KCNH7: variants seen among roughly 807,000 people sequenced by gnomAD.
The protein encoded by KCNH7 is voltage-gated inwardly rectifying potassium channel KCNH7.
A neutral mutation model predicts 120.8 loss-of-function variants in KCNH7; 49 were observed. That is an observed-to-expected ratio of 0.41 (90% CI 0.32 to 0.51). KCNH7 has a LOEUF of 0.51. KCNH7 is among the 20% of genes least tolerant of loss of function. The probability of loss-of-function intolerance (pLI) is 0.38; values close to 1 mark genes in which losing one functional copy is unlikely to be tolerated. For missense variants in KCNH7, 1,097 were observed against 1,446.6 expected (o/e 0.76, Z 3.92); for synonymous variants, 547 against 516.1 (o/e 1.06, Z -0.81).
chr2:162,564,067 AT>A (rs1693163576), intron 2 of KCNH7, among the ~76,000 whole-genome samples: 2 of 152,016 alleles, frequency 1.3e-5, no homozygotes, highest in Non-Finnish European at 2.9e-5. Context: ...TATGTATTTC[AT>A]TTTTTTCTGT....
In KCNH7 at chr2:162,834,037, C is replaced by T. The variant is rs1333597784; in HGVS notation, c.307+2500G>A. Among the ~76,000 whole-genome samples the T allele has an allele frequency of 3.9e-5, 6 of 152,060 alleles. 1 individual carries two copies. The South Asian group carries it at 8.3e-4, about 21-fold the overall frequency. On this transcript the variant is annotated intron_variant, in intron 2 of 15. Coordinates refer to ENST00000332142, the MANE Select transcript of KCNH7 (RefSeq NM_033272.4). ...CAATGGCATCAATAATAACGAATTA[C>T]GGAAACTTTGAGAAACAAACCAACA...
intron 2 of KCNH7, among the ~76,000 whole-genome samples, chr2:162,552,635 ATCAC>A (rs1692710198): frequency 2.6e-5 from 4 of 152,222 alleles, no homozygotes. Context: ...GCTTACTAGA[ATCAC>A]AGGAGACTTT....
intron 2 of KCNH7, among the ~76,000 whole-genome samples, chr2:162,656,617 C>G (rs1684772778): frequency 6.6e-6 from 1 of 152,078 alleles, no homozygotes; most frequent in South Asian, 2.1e-4. Flanking sequence ...TGAGACTGCA[C>G]CCAGGGTATG....
At chr2:162,380,881 A>T (rs1337125325) in intron 13 of KCNH7, among the ~76,000 whole-genome samples, 2 of 152,118 alleles carry the variant, frequency 1.3e-5, no homozygotes, top group Non-Finnish European at 2.9e-5. Context: ...TTTCATATAC[A>T]GATTCATTTT....
At chr2:162,802,511 A>G (rs1410889534) in intron 2 of KCNH7, among the ~76,000 whole-genome samples, 1 of 151,778 alleles carries the variant, frequency 6.6e-6, no homozygotes, top group Non-Finnish European at 1.5e-5. Context: ...ATTTCAACTC[A>G]GAATTGAGTA....
intron 3 of KCNH7, among the ~76,000 whole-genome samples, chr2:162,522,841 G>C (rs1030298435): frequency 2.6e-5 from 4 of 151,814 alleles, no homozygotes; most frequent in South Asian, 2.1e-4. Context: ...TAATATGCAT[G>C]AATATAATTA....
intron 7 of KCNH7, among the ~76,000 whole-genome samples, chr2:162,438,787 A>G (rs112240272): frequency 2.8e-4 from 42 of 152,302 alleles, no homozygotes; most frequent in African/African-American, 9.1e-4. Flanking sequence ...CACATCTTGT[A>G]GATGATGCTT....
intron 2 of KCNH7, among the ~76,000 whole-genome samples, chr2:162,591,182 C>T (rs1694204886): frequency 1.3e-5 from 2 of 152,102 alleles, no homozygotes; most frequent in Non-Finnish European, 2.9e-5. Context: ...ACAAGATTAT[C>T]TTACTTATAC....
intron 5 of KCNH7, among the ~76,000 whole-genome samples, chr2:162,509,967 G>A (rs1204571164): frequency 6.6e-6 from 1 of 151,578 alleles, no homozygotes; most frequent in Admixed American, 6.6e-5. Context: ...ACGAAGTAGA[G>A]AAAGTGAGGT....
chr2:162,695,578 A>C (rs111812909), intron 2 of KCNH7, among the ~76,000 whole-genome samples: 613 of 152,300 alleles, frequency 4.0e-3, no homozygotes, highest in Non-Finnish European at 6.9e-3. Context: ...GAGAATCCCA[A>C]AATGTTCTAG....
chr2:162,666,355 T>C (rs1305654274), intron 2 of KCNH7, among the ~76,000 whole-genome samples: 1 of 151,742 alleles, frequency 6.6e-6, no homozygotes, highest in African/African-American at 2.4e-5. Context: ...CCCTAATAAA[T>C]TCTGCCCCCC....
At chr2:162,704,639 A>G (rs557419000) in intron 2 of KCNH7, among the ~76,000 whole-genome samples, 1 of 152,194 alleles carries the variant, frequency 6.6e-6, no homozygotes, top group Non-Finnish European at 1.5e-5. Flanking sequence ...ATACAATACA[A>G]AAAGAACCCT....
rs576201755 is a variant in KCNH7 at position 162,383,279 on chromosome 2, A to C, written c.2962+1409T>G. 6.6e-5 allele frequency among the ~76,000 whole-genome samples: 10 copies of C among 152,088 alleles called. No individual in the cohort carries two copies. The South Asian group carries it at 1.9e-3, about 28-fold the overall frequency. ...TCAGAACTTGTGACTTCCATGATAC[A>C]ACCTGTTTCTATTTTTAGCACTTCC... On this transcript the variant is annotated intron_variant, in intron 13 of 15. Transcript: ENST00000332142.
chr2:162,467,531 C>T (rs1689349175), intron 6 of KCNH7, among the ~76,000 whole-genome samples: 2 of 152,146 alleles, frequency 1.3e-5, no homozygotes, highest in Non-Finnish European at 2.9e-5. Context: ...CTTTTTCCTT[C>T]CACCATGAGT....
intron 5 of KCNH7, among the ~76,000 whole-genome samples, chr2:162,509,502 T>C (rs1318501739): frequency 6.6e-6 from 1 of 151,654 alleles, no homozygotes; most frequent in East Asian, 1.9e-4. Context: ...AAGATGCAAA[T>C]GCAGTGTTTA....
At chr2:162,581,214 T>C (rs944732059) in intron 2 of KCNH7, among the ~76,000 whole-genome samples, 6 of 152,094 alleles carry the variant, frequency 3.9e-5, no homozygotes, top group Non-Finnish European at 7.4e-5. Flanking sequence ...TTGCTTTCTT[T>C]ATTCGTGACA....
At chr2:162,476,045 G>A (rs1689729835) in intron 6 of KCNH7, among the ~76,000 whole-genome samples, 1 of 152,146 alleles carries the variant, frequency 6.6e-6, no homozygotes, top group African/African-American at 2.4e-5. Flanking sequence ...CTTTTGTTGG[G>A]GGCACTCTAT....
At chr2:162,645,735 A>C (rs1684334643) in intron 2 of KCNH7, among the ~76,000 whole-genome samples, 1 of 152,180 alleles carries the variant, frequency 6.6e-6, no homozygotes, top group Non-Finnish European at 1.5e-5. Context: ...TTATGCATTG[A>C]GCATGGGTAG....
chr2:162,782,349 G>T (rs1352095962), intron 2 of KCNH7, among the ~76,000 whole-genome samples: 1 of 152,172 alleles, frequency 6.6e-6, no homozygotes, highest in Non-Finnish European at 1.5e-5. Context: ...AAATAAAATT[G>T]TCATGAAAGG....
Sources: allele counts gnomAD v4.1 joint callset (sites outside exome capture counted in the v4.1 genomes callset), GRCh38; gene constraint gnomAD v4.1.1; transcripts MANE v1.5; gene names NCBI Gene and HGNC (gene_info 2026-07-23, HGNC 2026-07-21).